Variants in KIR3DL1 observed in about 807,000 individuals in gnomAD.
The protein encoded by KIR3DL1 is killer cell immunoglobulin-like receptor 3DL1.
In KIR3DL1, 50 loss-of-function variants were observed where a neutral mutation model predicts 40.3. The observed-to-expected ratio is 1.24, with a 90% CI of 0.99 to 1.57. The LOEUF (loss-of-function observed/expected upper bound fraction) is 1.57, where lower values mean the gene tolerates loss of function less well. Ranked by LOEUF, KIR3DL1 falls within the 40% of genes most tolerant of loss-of-function variation. The pLI is 0.00. For missense variants in KIR3DL1, 661 were observed against 559.9 expected, an observed-to-expected ratio of 1.18 and a Z score of -1.82; for synonymous variants, 257 against 207.2, an observed-to-expected ratio of 1.24 and a Z score of -2.07.
At chr19:54,817,408 G>C in intron 1 of KIR3DL1, 126 bp from the exon 2 acceptor site, 2 of 804,608 alleles carry the variant, frequency 2.5e-6, no homozygotes, top group Non-Finnish European at 4.3e-6. Flanking sequence ...GGGCAGGTAG[G>C]CAGCGAGGGT....
chr19:54,826,650 AGTGTATAATTTTGG>A (rs1317728027), intron 6 of KIR3DL1, among the ~76,000 whole-genome samples: 2 of 149,036 alleles, frequency 1.3e-5, no homozygotes, highest in Non-Finnish European at 3.0e-5. Flanking sequence ...GATAATGCTG[AGTGTATAATTTTGG>A]GTGACAGAGA....
intron 5 of KIR3DL1, among the ~76,000 whole-genome samples, chr19:54,823,782 G>A (rs1170849854): frequency 1.3e-5 from 2 of 151,518 alleles, no homozygotes; most frequent in African/African-American, 4.9e-5. Context: ...GTGAGCCACC[G>A]GCCTAAAAGG....
In KIR3DL1 at chr19:54,817,352, G is replaced by C. The variant is rs1452869488; in HGVS notation, c.35-182G>C. ...GATCTAGGCCTGGAGGTAGAGATCTGGGCCTGGAGGCTCAGTCTCTGCACA... is the reference window on the plus strand; with the variant it reads ...GATCTAGGCCTGGAGGTAGAGATCTCGGCCTGGAGGCTCAGTCTCTGCACA... On this transcript the variant is annotated intron_variant, in intron 1 of 8. Transcript: ENST00000391728. Among the ~76,000 whole-genome samples, 6 of 98,092 alleles carry C rather than the reference G, an allele frequency of 6.1e-5. 1 individual carries two copies. Among genetic ancestry groups the C allele is most frequent in the Non-Finnish European group, 6.5e-5 (3 of 46,026 alleles). 64.4% of individuals were successfully genotyped at this position (98,092 alleles called of 152,430 possible).
rs1174024051 is a variant in KIR3DL1, at chr19:54,828,619, C to G, written c.1001-742C>G. Among the ~76,000 whole-genome samples, 36 of 150,702 alleles carry G rather than the reference C, an allele frequency of 2.4e-4. 1 individual carries two copies. The highest frequency in any genetic ancestry group is 8.9e-4 in the African/African-American group (36 of 40,522). On this transcript the variant is annotated intron_variant, in intron 6 of 8. Transcript: ENST00000391728. ...CAGCCTGGGTTTTGTACCCTGGAGC[C>G]ACAGGAAGCACTCAGCTAAAGCACT... is the stretch of plus-strand genomic sequence containing the variant.
exon 4 of KIR3DL1, chr19:54,819,717 C>T (rs1321746455): frequency 1.2e-6 from 2 of 1,607,642 alleles, no homozygotes; most frequent in Non-Finnish European, 1.7e-6. Context: ...TTCTAGGAAA[C>T]CACAGAAAAC....
intron 6 of KIR3DL1, among the ~76,000 whole-genome samples, chr19:54,829,002 T>C (rs1248064887): frequency 4.1e-4 from 57 of 140,144 alleles, no homozygotes; most frequent in African/African-American, 1.4e-3. Context: ...CAGGAACTAA[T>C]AGAGAGGGAA....
In KIR3DL1 at chr19:54,819,859, G is replaced by A. The variant is rs200785070; in HGVS notation, c.502G>A (p.Val168Ile). ...GATCTCTAAGGACCCCTCACGCCTC[G>A]TTGGACAGATCCATGATGGGGTCTC... The change falls in exon 4 of 9, where the codon GTT becomes ATT. Residue 168 changes from valine to isoleucine, a missense_variant. Val to Ile is a conservative substitution (Grantham distance 29, BLOSUM62 3). Around this residue, in one of 3 missense-constraint regions of KIR3DL1, gnomAD observed 548 missense variants for 413.3 expected, o/e 1.33. Coordinates refer to ENST00000391728, the Ensembl canonical transcript of KIR3DL1. The A allele has an allele frequency of 3.9e-4, 634 of 1,612,106 alleles. 10 individuals are homozygous for A. The highest frequency in any genetic ancestry group is 1.2e-3 in the South Asian group (109 of 90,668).
rs752768118 is a variant in KIR3DL1, at chr19:54,817,565, C to A, written c.66C>A (p.His22Gln). The A allele has an allele frequency of 7.3e-6, 11 of 1,509,386 alleles. No homozygotes were observed. In the Admixed American group the frequency reaches 1.1e-4, roughly 15 times the overall value. 93.5% of individuals were successfully genotyped at this position (1,509,386 alleles called of 1,614,324 possible). Residue 22 changes from histidine to glutamine, a missense_variant, in exon 2 of 9, where the codon CAC becomes CAA. Transcript: ENST00000391728. ...TCTTGGTCCAGAGGGCCGGTCCACA[C>A]ATGGGTGAGTCCTTCCCCAAACCTT...
rs1601297611 is a variant in KIR3DL1 at position 54,817,418 on chromosome 19, T to A, written c.35-116T>A. On this transcript the variant is annotated intron_variant, in intron 1 of 8. Transcript: ENST00000391728. Reference sequence around the variant, plus strand: ...CCTGGGGGCAGGTAGGCAGCGAGGGTGAGTTTACCTTCAGCCCAGCAAGGG... The same window carrying A: ...CCTGGGGGCAGGTAGGCAGCGAGGGAGAGTTTACCTTCAGCCCAGCAAGGG... The A allele has an allele frequency of 6.9e-6, 6 of 871,862 alleles. No homozygotes were observed. The Admixed American group carries it at 9.0e-5, about 13-fold the overall frequency. The allele number at this position is 871,862 out of a possible 1,614,324, so 54.0% of individuals were successfully genotyped here. A position where few individuals can be genotyped will look rare whatever the true frequency, so the allele number is the denominator to read the frequency against.
chr19:54,829,984 G>A lies in KIR3DL1; in HGVS notation c.1158+4G>A, dbSNP rs747703564. On this transcript the variant is annotated splice_donor_region_variant and intron_variant, in intron 8 of 8. Transcript: ENST00000391728. ...GAACAGAACAGCCAACAGCGAGGTA[G>A]GTGCTCCTCGGCCCAGCCTCGTGGC... is the stretch of plus-strand genomic sequence containing the variant. The A allele has an allele frequency of 9.8e-6, 15 of 1,528,660 alleles. 2 individuals carry two copies. In the East Asian group the frequency reaches 1.4e-4, roughly 14 times the overall value. 94.7% of individuals were successfully genotyped at this position (1,528,660 alleles called of 1,614,324 possible). A position where few individuals can be genotyped will look rare whatever the true frequency, so the allele number is the denominator to read the frequency against.
intron 6 of KIR3DL1, among the ~76,000 whole-genome samples, chr19:54,825,656 A>G (rs1569459342): frequency 6.7e-6 from 1 of 150,244 alleles, no homozygotes; most frequent in Non-Finnish European, 1.5e-5. Flanking sequence ...TCGTGGGTGA[A>G]AACAAAACGG....
At chr19:54,819,964 C>G (rs2273731) in exon 4 of KIR3DL1, 1 of 1,609,830 alleles carries the variant, frequency 6.2e-7, no homozygotes, top group East Asian at 2.2e-5. Context: ...TACTCACACC[C>G]CCTATCAGTT....
At chr19:54,818,952 T>A in intron 3 of KIR3DL1, among the ~76,000 whole-genome samples, 1 of 147,726 alleles carries the variant, frequency 6.8e-6, no homozygotes, top group African/African-American at 2.5e-5. Context: ...AAGAGGGGAG[T>A]GGGGATTAGA....
exon 5 of KIR3DL1, chr19:54,821,632 C>T (rs1261330981): frequency 1.2e-6 from 2 of 1,609,340 alleles, no homozygotes; most frequent in Admixed American, 3.3e-5. Context: ...AGAGCGTGAC[C>T]TTGTCCTGTA....
chr19:54,824,997 T>A, intron 5 of KIR3DL1, 31 bp from the exon 6 acceptor site: 1 of 1,460,262 alleles, frequency 6.8e-7, no homozygotes. Flanking sequence ...GCACCCTCAT[T>A]TCCTCACATC....
chr19:54,817,341 G>A (rs1347365908), intron 1 of KIR3DL1, among the ~76,000 whole-genome samples, 193 bp from the exon 2 acceptor site: 1 of 105,638 alleles, frequency 9.5e-6, no homozygotes. Flanking sequence ...TAGGCCTGGA[G>A]GTAGAGATCT....
At chr19:54,824,935 C>T (rs865904021) in intron 5 of KIR3DL1, 93 bp from the exon 6 acceptor site, 4 of 986,150 alleles carry the variant, frequency 4.1e-6, no homozygotes, top group Non-Finnish European at 6.3e-6. Flanking sequence ...CATTAGATAA[C>T]AGAGTGTTGG....
At position 54,830,152 on chromosome 19, in the gene KIR3DL1, C is replaced by A; in HGVS notation, c.1212C>A (p.Cys404Ter). 9.9e-6 allele frequency: 15 copies of A among 1,522,546 alleles called. 2 individuals are homozygous for A. The highest frequency in any genetic ancestry group is 2.3e-5 in the East Asian group (1 of 42,564). The allele number at this position is 1,522,546 out of a possible 1,614,324, so 94.3% of individuals were successfully genotyped here. The change falls in exon 9 of 9, where the codon TGC (cysteine) becomes TGA (stop). Residue 404 changes from cysteine to a stop codon, truncating the protein, a stop_gained. Transcript: ENST00000391728. LOFTEE classifies it low-confidence loss of function (END_TRUNC). ...TGACATACGCACAGTTGGATCACTG[C>A]GTTTTCACACAGAGAAAAATCACTC...
intron 5 of KIR3DL1, among the ~76,000 whole-genome samples, chr19:54,824,781 T>A (rs1700993497): frequency 6.7e-6 from 1 of 149,956 alleles, no homozygotes; most frequent in Admixed American, 6.6e-5. Context: ...TGTCATGCTG[T>A]TTTGCTTACT....
Sources: allele counts gnomAD v4.1 joint callset (sites outside exome capture counted in the v4.1 genomes callset), GRCh38; gene constraint gnomAD v4.1.1; regional missense constraint gnomAD v4.1.1; transcripts MANE v1.5; gene names NCBI Gene and HGNC (gene_info 2026-07-23, HGNC 2026-07-21).